Variants in TBC1D8 observed in about 807,000 individuals in gnomAD.
The protein encoded by TBC1D8 is BUB2-like protein 1.
A neutral mutation model predicts 118.8 loss-of-function variants in TBC1D8; 65 were observed. That is an observed-to-expected ratio of 0.55 (90% CI 0.45 to 0.67). The LOEUF (loss-of-function observed/expected upper bound fraction) is 0.67. TBC1D8 is among the 30% of genes least tolerant of loss of function. The pLI is 0.00. For synonymous variants in TBC1D8, 566 were observed against 595.8 expected (o/e 0.95, Z 0.73); for missense variants, 1,376 against 1,471.2 (o/e 0.94, Z 1.06).
chr2:101,046,607 G>A (rs548558208), intron 5 of TBC1D8, among the ~76,000 whole-genome samples: 1 of 152,198 alleles, frequency 6.6e-6, no homozygotes, highest in African/African-American at 2.4e-5. Flanking sequence ...AGAATTAGAG[G>A]GATGAAAAGT....
At chr2:101,032,125 A>C (rs1680705188) in intron 11 of TBC1D8, 143 bp downstream of exon 11, 1 of 739,692 alleles carries the variant, frequency 1.4e-6, no homozygotes, top group Non-Finnish European at 2.2e-6. Context: ...TTAGTTTTGC[A>C]AATTCAGGAG....
intron 2 of TBC1D8, among the ~76,000 whole-genome samples, chr2:101,064,863 A>G (rs530257368): frequency 6.6e-6 from 1 of 152,318 alleles, no homozygotes; most frequent in Non-Finnish European, 1.5e-5. Context: ...CATAAAATAC[A>G]TAAAAAACAA....
chr2:101,124,214 G>A (rs1309280025), intron 1 of TBC1D8, among the ~76,000 whole-genome samples: 3 of 152,144 alleles, frequency 2.0e-5, no homozygotes, highest in African/African-American at 7.2e-5. Flanking sequence ...AGAGGAGGTG[G>A]AGGATGCATT....
At chr2:101,105,251 A>G (rs1416806541) in intron 1 of TBC1D8, among the ~76,000 whole-genome samples, 1 of 152,226 alleles carries the variant, frequency 6.6e-6, no homozygotes, top group African/African-American at 2.4e-5. Context: ...TAAAGGACTT[A>G]TATCCAAAAT....
At chr2:101,110,036 A>T in intron 1 of TBC1D8, 1 of 984,508 alleles carries the variant, frequency 1.0e-6, no homozygotes, top group African/African-American at 1.7e-5. Context: ...CGAGCACAAC[A>T]CTCCTATTTT....
rs114414274 is a variant in TBC1D8, at chr2:101,054,227, G to T, written c.512C>A (p.Ala171Glu). 3.5e-5 allele frequency: 57 copies of T among 1,609,980 alleles called. No individual in the cohort carries two copies. The African/African-American group carries it at 6.5e-4, about 18-fold the overall frequency. The stretch of plus-strand genomic sequence containing the variant: ...GGAGTAGTAGGTGACCAGCTTCTCC[G>T]CCTCGGGGAAGTTGAACCTGGCCTC... ...KFEARFNFPE[A>E]EKLVTYYSCC... The change falls in exon 4 of 20, where the codon GCG becomes GAG. Residue 171 changes from alanine (A) to glutamate (E), a missense_variant. Ala to Glu is a moderately radical substitution (Grantham distance 107, BLOSUM62 -1). Coordinates refer to ENST00000409318, the MANE Select transcript of TBC1D8 (RefSeq NM_001330348.2).
chr2:101,025,974 T>TA (rs1680314999), intron 15 of TBC1D8, among the ~76,000 whole-genome samples: 1 of 152,210 alleles, frequency 6.6e-6, no homozygotes, highest in Non-Finnish European at 1.5e-5. Flanking sequence ...TTTCCTCAAG[T>TA]ACCAACCAAC....
At chr2:101,127,995 T>C (rs996568081) in intron 1 of TBC1D8, among the ~76,000 whole-genome samples, 1 of 152,226 alleles carries the variant, frequency 6.6e-6, no homozygotes, top group Non-Finnish European at 1.5e-5. Flanking sequence ...TTTCCCCAAT[T>C]ACTCATAACA....
chr2:101,038,601 C>T lies in TBC1D8; in HGVS notation c.1135G>A (p.Val379Ile). The T allele has an allele frequency of 6.2e-7, 1 of 1,613,994 alleles. No homozygotes were observed. ...DTSLLPHPII[V>I]SIRSKVAFQF... Reference sequence around the variant, plus strand: ...AAGGCCACCTTGCTTCTGATACTGACAATGATGGGATGCGGCAGCAGGCTC... The same window carrying T: ...AAGGCCACCTTGCTTCTGATACTGATAATGATGGGATGCGGCAGCAGGCTC... Residue 379 changes from valine to isoleucine, a missense_variant, in exon 7 of 20, where the codon GTC becomes ATC. By Grantham distance (29) the Val-to-Ile change is conservative (BLOSUM62 3). Transcript: ENST00000409318.
chr2:101,128,648 C>A lies in TBC1D8; in HGVS notation c.127+22479G>T, dbSNP rs146776256. On this transcript the variant is annotated intron_variant, in intron 1 of 19. Transcript: ENST00000409318. ...ACAAATATTTGTACACCTGTTTTCA[C>A]GGCAGCATTATTTGCAATAGCCAAA... 2.6e-3 allele frequency among the ~76,000 whole-genome samples: 400 copies of A among 152,340 alleles called. 1 individual carries two copies. The highest frequency in any genetic ancestry group is 9.3e-3 in the African/African-American group (385 of 41,576).
At chr2:101,039,077 AG>A (rs1681220323) in intron 6 of TBC1D8, among the ~76,000 whole-genome samples, 1 of 152,144 alleles carries the variant, frequency 6.6e-6, no homozygotes, top group Admixed American at 6.5e-5. Context: ...GAAGGGGAAG[AG>A]GGAAGTTGAT....
chr2:101,076,083 C>T (rs1674797199), intron 2 of TBC1D8, among the ~76,000 whole-genome samples: 1 of 152,102 alleles, frequency 6.6e-6, no homozygotes, highest in African/African-American at 2.4e-5. Context: ...ACCAGGGCAC[C>T]AACTCCTTAC....
chr2:101,059,715 CG>C (rs1489926614), intron 2 of TBC1D8, among the ~76,000 whole-genome samples, 176 bp from the exon 3 acceptor site: 1 of 152,138 alleles, frequency 6.6e-6, no homozygotes, highest in Non-Finnish European at 1.5e-5. Flanking sequence ...CCAAGGCAGG[CG>C]GATCACAAGG....
chr2:101,065,114 T>C (rs1300880504), intron 2 of TBC1D8, among the ~76,000 whole-genome samples: 1 of 152,186 alleles, frequency 6.6e-6, no homozygotes, highest in Non-Finnish European at 1.5e-5. Flanking sequence ...AGCTCCTGCA[T>C]GGACACTGCC....
intron 1 of TBC1D8, among the ~76,000 whole-genome samples, chr2:101,101,180 G>A (rs1676801666): frequency 1.3e-5 from 2 of 151,942 alleles, no homozygotes; most frequent in Non-Finnish European, 2.9e-5. Context: ...AAGTTACAAG[G>A]AACTTAAACA....
intron 1 of TBC1D8, among the ~76,000 whole-genome samples, chr2:101,104,187 A>G (rs930043000): frequency 6.6e-5 from 10 of 152,190 alleles, no homozygotes; most frequent in African/African-American, 2.4e-4. Context: ...ATTTGTATCA[A>G]ACTACAAAAC....
intron 2 of TBC1D8, among the ~76,000 whole-genome samples, chr2:101,072,415 G>A (rs562464939): frequency 1.3e-5 from 2 of 152,088 alleles, no homozygotes; most frequent in Admixed American, 6.6e-5. Flanking sequence ...AGAAGGGAGA[G>A]GCCCCAGGCT....
Position 101,022,407 on chromosome 2 carries a change from G to C in TBC1D8, c.2635C>G (p.Leu879Val), listed in dbSNP as rs773692275. ...YRIDARQFAH[L>V]FQLVSPWTCG... ...GTCCAGGGCGAGACTAGCTGAAACA[G>C]GTGTGCAAACTGCCGGGCATCTATG... The change falls in exon 16 of 20, where the codon CTG becomes GTG. Residue 879 changes from leucine (L) to valine (V), a missense_variant. By Grantham distance (32) the Leu-to-Val change is conservative. Coordinates refer to ENST00000409318, the MANE Select transcript of TBC1D8 (RefSeq NM_001330348.2). The C allele has an allele frequency of 6.2e-6, 10 of 1,613,034 alleles. No homozygotes were observed. The South Asian group carries it at 9.9e-5, about 16-fold the overall frequency.
At chr2:101,048,222 T>C (rs1463245241) in intron 5 of TBC1D8, among the ~76,000 whole-genome samples, 1 of 152,206 alleles carries the variant, frequency 6.6e-6, no homozygotes, top group East Asian at 1.9e-4. Context: ...TTTTAAGATA[T>C]CTTTGTAAGC....
Sources: gnomAD v4.1 joint callset for allele counts (sites outside exome capture counted in the v4.1 genomes callset) on GRCh38, gnomAD v4.1.1 for gene constraint, MANE v1.5 for transcripts, NCBI Gene and HGNC (gene_info 2026-07-23, HGNC 2026-07-21) for gene names.